The following ATAD3C variants were observed in gnomAD, a reference collection of about 807,000 sequenced individuals.
ATAD3C encodes the protein ATPase family AAA domain containing 3C.
A neutral mutation model predicts 46.3 loss-of-function variants in ATAD3C; 38 were observed. The ratio of observed to expected loss-of-function variants is 0.82; its 90% CI spans 0.63 to 1.08. The LOEUF (loss-of-function observed/expected upper bound fraction) is 1.08. Among genes scored for constraint, ATAD3C ranks in the 50% least tolerant of loss-of-function variants. The pLI, the probability that ATAD3C is intolerant of heterozygous loss-of-function variation, is 0.00. For missense variants in ATAD3C, 563 were observed against 572.7 expected (o/e 0.98, Z 0.17); for synonymous variants, 220 against 236.4 (o/e 0.93, Z 0.63).
rs1404884912 is a variant in ATAD3C at position 1,469,934 on chromosome 1, G to A, written c.*1404G>A. 2 of 151,840 alleles carry A rather than the reference G, an allele frequency of 1.3e-5. No individual in the cohort carries two copies. The highest frequency in any genetic ancestry group is 2.9e-5 in the Non-Finnish European group (2 of 67,932). The allele number at this position is 151,840 out of a possible 1,614,324, so 9.4% of individuals were successfully genotyped here. ...TTCTGCCCCACCCTAGCTGATCAAT[G>A]TACTTTGCAATCTCCCCCACCCTTA... On this transcript the variant is annotated 3_prime_UTR_variant, in exon 12 of 12. Transcript: ENST00000378785.
intron 4 of ATAD3C, among the ~76,000 whole-genome samples, chr1:1,455,012 G>A (rs1017651341): frequency 5.3e-5 from 8 of 151,244 alleles, no homozygotes; most frequent in Non-Finnish European, 1.2e-4. Flanking sequence ...TCAGGACATC[G>A]AGACCATCCT....
intron 11 of ATAD3C, among the ~76,000 whole-genome samples, chr1:1,464,436 T>A (rs11488468): frequency 0.024 from 3,532 of 144,558 alleles, 168 homozygotes; most frequent in African/African-American, 0.096. Flanking sequence ...GCGGTGGTGG[T>A]GAGCCAACAC....
Position 1,459,279 on chromosome 1 carries a change from C to A in ATAD3C, c.812+48C>A, listed in dbSNP as rs767801504. On this transcript the variant is annotated intron_variant, in intron 9 of 11. Coordinates refer to ENST00000378785, the MANE Select transcript of ATAD3C (RefSeq NM_001039211.3). This position sits in a 1 kb window ranked among gnomAD's most constrained non-coding sequence, Gnocchi z 4.9. The stretch of plus-strand genomic sequence containing the variant: ...GGGCCCCCGGGCAGGGCTGTGCAGC[C>A]GTCACCCTTGGTTCCCACCGAGGGA... 1 of 1,604,034 alleles carries A rather than the reference C, an allele frequency of 6.2e-7. No homozygotes were observed.
chr1:1,452,565 A>G (rs997915724), intron 3 of ATAD3C, 131 bp downstream of exon 3: 8 of 1,452,330 alleles, frequency 5.5e-6, no homozygotes, highest in African/African-American at 1.4e-5. Context: ...AACAAGCCCA[A>G]ACTGGACCTG....
chr1:1,458,546 C>T (rs1434075749), intron 8 of ATAD3C, among the ~76,000 whole-genome samples: 1 of 151,840 alleles, frequency 6.6e-6, no homozygotes, highest in East Asian at 1.9e-4. Flanking sequence ...TCCCAAAGTG[C>T]TAGGATTACA....
At position 1,450,377 on chromosome 1, in the gene ATAD3C, T is replaced by A; in HGVS notation, c.-307T>A. On this transcript the variant is annotated 5_prime_UTR_variant, in exon 1 of 12. Coordinates refer to ENST00000378785, the MANE Select transcript of ATAD3C (RefSeq NM_001039211.3). ...CGTGAAAAAATGGACACTTTAGCCA[T>A]CGCCTGACTTTCTGTTGAATTGGGA... 8 of 290,528 alleles carry A rather than the reference T, an allele frequency of 2.8e-5. No individual in the cohort carries two copies. Among genetic ancestry groups the A allele is most frequent in the Non-Finnish European group, 4.0e-5 (6 of 148,298 alleles). The allele number at this position is 290,528 out of a possible 1,614,324, so 18.0% of individuals were successfully genotyped here. A position where few individuals can be genotyped will look rare whatever the true frequency, so the allele number is the denominator to read the frequency against.
rs185419081 is a variant in ATAD3C, at chr1:1,457,332, C to T, written c.741+152C>T. Among the ~76,000 whole-genome samples the T allele has an allele frequency of 5.8e-3, 875 of 151,904 alleles. 22 individuals carry two copies. The highest frequency in any genetic ancestry group is 0.02 in the African/African-American group (834 of 41,458). ...ATTTTTGGCCAGGTGTGGAGGCTCA[C>T]GCCTGTAATACCAGCACTTTGGGAG... On this transcript the variant is annotated intron_variant, in intron 8 of 11. Transcript: ENST00000378785.
intron 3 of ATAD3C, among the ~76,000 whole-genome samples, 190 bp from the exon 4 acceptor site, chr1:1,454,155 G>A (rs1156946995): frequency 1.3e-5 from 2 of 152,096 alleles, no homozygotes; most frequent in Non-Finnish European, 2.9e-5. Flanking sequence ...CGCTGTGACT[G>A]CCCCACCTGC....
At chr1:1,461,511 G>T (rs866126460) in intron 10 of ATAD3C, among the ~76,000 whole-genome samples, 1 of 150,178 alleles carries the variant, frequency 6.7e-6, no homozygotes, top group African/African-American at 2.5e-5. Flanking sequence ...TCTTCACTAC[G>T]CGGAGAGCTG....
intron 1 of ATAD3C, among the ~76,000 whole-genome samples, chr1:1,451,750 C>T (rs1282993107): frequency 6.6e-6 from 1 of 152,048 alleles, no homozygotes; most frequent in Non-Finnish European, 1.5e-5. Flanking sequence ...TCCTTAAGCC[C>T]AGCCTGAATC....
In ATAD3C at chr1:1,450,602, G is replaced by T; in HGVS notation, c.-82G>T. 1 of 1,523,854 alleles carries T rather than the reference G, an allele frequency of 6.6e-7. No homozygotes were observed. Among genetic ancestry groups the T allele is most frequent in the Non-Finnish European group, 8.9e-7 (1 of 1,121,348 alleles). 94.4% of individuals were successfully genotyped at this position (1,523,854 alleles called of 1,614,324 possible). On this transcript the variant is annotated 5_prime_UTR_variant, in exon 1 of 12. Coordinates refer to ENST00000378785, the MANE Select transcript of ATAD3C (RefSeq NM_001039211.3). The stretch of plus-strand genomic sequence containing the variant: ...GAGGCGTGGCCGTGGATTCCAGAAA[G>T]CCCCTTGGCTGGTGTGCGTGCCTGC...
In ATAD3C at chr1:1,468,512, C is replaced by G. The variant is rs548788079; in HGVS notation, c.1218C>G (p.Asp406Glu). 4 of 1,608,108 alleles carry G rather than the reference C, an allele frequency of 2.5e-6. 1 individual carries two copies. Among genetic ancestry groups the G allele is most frequent in the Middle Eastern group, 3.3e-4 (2 of 6,018 alleles). Residue 406 changes from aspartate to glutamate, a missense_variant, in exon 12 of 12, where the codon GAC becomes GAG. Physicochemically the swap from Asp to Glu is conservative, Grantham distance 45. Around this residue, in one of 3 missense-constraint regions of ATAD3C, gnomAD observed 273 missense variants for 253.5 expected, o/e 1.08. Transcript: ENST00000378785. ...WLKGERPGPEDEQPSS is the reference protein window; with the variant it reads ...WLKGERPGPEEEQPSS ...AGGGGGAGAGGCCTGGGCCCGAGGACGAGCAACCCTCATCCTGAGTCCATG... is the reference window on the plus strand; with the variant it reads ...AGGGGGAGAGGCCTGGGCCCGAGGAGGAGCAACCCTCATCCTGAGTCCATG...
At chr1:1,461,645 G>GAGAGGCTCCTCATGA (rs1557780488) in intron 10 of ATAD3C, among the ~76,000 whole-genome samples, 20 of 149,850 alleles carry the variant, frequency 1.3e-4, no homozygotes, top group African/African-American at 4.7e-4. Flanking sequence ...CCCCATGTAG[G>GAGAGGCTCCTCATGA]GACTGGAGGG....
chr1:1,459,151 C>G lies in ATAD3C; in HGVS notation c.742-10C>G. 1 of 1,609,088 alleles carries G rather than the reference C, an allele frequency of 6.2e-7. No homozygotes were observed. The highest frequency in any genetic ancestry group is 2.2e-5 in the East Asian group (1 of 44,770). On this transcript the variant is annotated splice_polypyrimidine_tract_variant and intron_variant, in intron 8 of 11. Transcript: ENST00000378785. The surrounding 1 kb of genome is among the most constrained non-coding windows in gnomAD (Gnocchi z 4.9). ...TCCTGGTGCCTAAGGCTGGAACCTT[C>G]TCTCTGCAGGAGAAGATAAGCGAGG...
In ATAD3C at chr1:1,452,368, G is replaced by A. The variant is rs888100049; in HGVS notation, c.156G>A (p.Ala52=). The A allele has an allele frequency of 2.6e-5, 42 of 1,613,680 alleles. No homozygotes were observed. Among genetic ancestry groups the A allele is most frequent in the Non-Finnish European group, 3.5e-5 (41 of 1,179,766 alleles). Residue 52 remains alanine, a synonymous_variant, in exon 3 of 12, where the codon GCG becomes GCA. Transcript: ENST00000378785. Reference sequence around the variant, plus strand: ...CACACCACTGCTTTCCCCACAGGGCGGCTGGCACCTTGTTTGGGGAAGGAT... The same window carrying A: ...CACACCACTGCTTTCCCCACAGGGCAGCTGGCACCTTGTTTGGGGAAGGAT... ...HHQTFLESIR[A]AGTLFGEGFR...
At position 1,469,677 on chromosome 1, in the gene ATAD3C, GTTT is replaced by G. The variant is rs869128031; in HGVS notation, c.*1161_*1163del. On this transcript the variant is annotated 3_prime_UTR_variant, in exon 12 of 12. Transcript: ENST00000378785. ...AGGCTTGAGCCACCGTGCCTGGTCT[GTTT>G]TTTTTTTTTTTTTGGCAATAGAGTC... 4 of 130,128 alleles carry G rather than the reference GTTT, an allele frequency of 3.1e-5. No homozygotes were observed. Among genetic ancestry groups the G allele is most frequent in the African/African-American group, 5.6e-5 (2 of 35,808 alleles). 8.1% of individuals were successfully genotyped at this position (130,128 alleles called of 1,614,324 possible). A position where few individuals can be genotyped will look rare whatever the true frequency, so the allele number is the denominator to read the frequency against.
At chr1:1,450,996 G>T (rs923481570) in intron 1 of ATAD3C, among the ~76,000 whole-genome samples, 5 of 151,960 alleles carry the variant, frequency 3.3e-5, no homozygotes, top group Admixed American at 6.6e-5. Context: ...TCGTCCTGAG[G>T]GCCTGGATCT....
chr1:1,456,002 G>A (rs1570147912), intron 6 of ATAD3C, 86 bp downstream of exon 6: 5 of 1,593,304 alleles, frequency 3.1e-6, no homozygotes, highest in Middle Eastern at 2.1e-4. Context: ...GCTGCCTGGG[G>A]AATGGACCCC....
Position 1,452,582 on chromosome 1 carries a change from G to A in ATAD3C, c.222+148G>A, listed in dbSNP as rs1638882048. The A allele has an allele frequency of 2.2e-5, 30 of 1,335,226 alleles. No individual in the cohort carries two copies. In the South Asian group the frequency reaches 3.7e-4, roughly 16 times the overall value. The allele number at this position is 1,335,226 out of a possible 1,614,324, so 82.7% of individuals were successfully genotyped here. A position where few individuals can be genotyped will look rare whatever the true frequency, so the allele number is the denominator to read the frequency against. On this transcript the variant is annotated intron_variant, in intron 3 of 11. Transcript: ENST00000378785. ...CAAGCCCAAACTGGACCTGCTGGTG[G>A]GAGCCGCTCCTCCCTCCTTGAGCTG...
Sources: allele counts gnomAD v4.1 joint callset (sites outside exome capture counted in the v4.1 genomes callset), GRCh38; gene constraint gnomAD v4.1.1; regional missense constraint gnomAD v4.1.1; non-coding constraint Gnocchi (gnomAD v3.1); transcripts MANE v1.5; gene names NCBI Gene and HGNC (gene_info 2026-07-23, HGNC 2026-07-21).